The following RXRA variants were observed in gnomAD, a reference collection of about 807,000 sequenced individuals.
RXRA encodes the protein retinoid X receptor alpha, also known as retinoic acid receptor RXR-alpha.
Under a neutral mutation model 44.5 loss-of-function variants are expected in RXRA, and 5 were observed. That is an observed-to-expected ratio of 0.11 (90% confidence interval 0.06 to 0.24). RXRA has a LOEUF of 0.24. RXRA is among the 10% of genes least tolerant of loss of function. The pLI, the probability that RXRA is intolerant of heterozygous loss-of-function variation, is 1.00. For missense variants in RXRA, 412 were observed against 646.5 expected, an observed-to-expected ratio of 0.64 and a Z score of 3.93; for synonymous variants, 291 against 271.4, an observed-to-expected ratio of 1.07 and a Z score of -0.71.
chr9:134,338,306 G>A (rs1053581344), intron 1 of RXRA, among the ~76,000 whole-genome samples: 2 of 152,236 alleles, frequency 1.3e-5, no homozygotes, highest in African/African-American at 4.8e-5. Flanking sequence ...TGTGGCTGCC[G>A]TGGGACATGG....
intron 1 of RXRA, among the ~76,000 whole-genome samples, chr9:134,357,782 TG>T (rs543073149): frequency 2.0e-5 from 3 of 152,228 alleles, no homozygotes; most frequent in African/African-American, 7.2e-5. Context: ...GGAAATTACG[TG>T]TTCTTAGAAA....
intron 4 of RXRA, 60 bp downstream of exon 4, chr9:134,409,179 C>T: frequency 6.9e-7 from 1 of 1,450,698 alleles, no homozygotes; most frequent in Admixed American, 2.3e-5. Flanking sequence ...GGGGCCCGGG[C>T]TTGTGCGTGG....
intron 1 of RXRA, among the ~76,000 whole-genome samples, chr9:134,358,965 C>A (rs144734368): frequency 1.7e-3 from 265 of 152,282 alleles, no homozygotes; most frequent in African/African-American, 6.0e-3. Context: ...TTAAGCGTTG[C>A]GCCCACTCCT....
chr9:134,360,544 C>T (rs529727031), intron 1 of RXRA, among the ~76,000 whole-genome samples: 6 of 152,372 alleles, frequency 3.9e-5, no homozygotes, highest in African/African-American at 1.2e-4. Context: ...GCCGTGCCAG[C>T]GCCCCTTCCG....
In RXRA at chr9:134,366,687, C is replaced by A. The variant is rs1564271746; in HGVS notation, c.29-34945C>A. 6.6e-6 allele frequency among the ~76,000 whole-genome samples: 1 copy of A among 152,190 alleles called. No homozygotes were observed. Among genetic ancestry groups the A allele is most frequent in the Non-Finnish European group, 1.5e-5 (1 of 68,024 alleles). On this transcript the variant is annotated intron_variant, in intron 1 of 9. Coordinates refer to ENST00000481739, the MANE Select transcript of RXRA (RefSeq NM_002957.6). The surrounding 1 kb of genome is among the most constrained non-coding windows in gnomAD (Gnocchi z 5.9). ...AGAAATCAGCTCCCGCCAGCCTGATCTTCCTGCCTCAGAAGCTGAACCCCG... is the reference window on the plus strand; with the variant it reads ...AGAAATCAGCTCCCGCCAGCCTGATATTCCTGCCTCAGAAGCTGAACCCCG...
At chr9:134,395,661 C>A (rs2119130391) in intron 1 of RXRA, among the ~76,000 whole-genome samples, 1 of 152,364 alleles carries the variant, frequency 6.6e-6, no homozygotes, top group South Asian at 2.1e-4. Flanking sequence ...CTTCATAGGC[C>A]TGGCCGAGGT....
chr9:134,345,602 T>C (rs906057907), intron 1 of RXRA, among the ~76,000 whole-genome samples: 2 of 152,190 alleles, frequency 1.3e-5, no homozygotes, highest in Non-Finnish European at 2.9e-5. Context: ...CAGGAGCTGC[T>C]GGTAGCCCCG....
intron 1 of RXRA, among the ~76,000 whole-genome samples, chr9:134,354,708 G>A (rs1024576035): frequency 6.6e-6 from 1 of 152,218 alleles, no homozygotes. Context: ...ACTGGCCTTC[G>A]CTGTAAGACT....
At position 134,438,990 on chromosome 9, in the gene RXRA, C is replaced by T. The variant is rs1831681345; in HGVS notation, c.*2376C>T. ...TCCCGCAGCCTTCCCGTCCCTTTCT[C>T]ATCGGCCTTGTAGTTGTACAGTGCT... On this transcript the variant is annotated 3_prime_UTR_variant, in exon 10 of 10. Transcript: ENST00000481739. 6.6e-6 allele frequency: 1 copy of T among 152,320 alleles called. No homozygotes were observed. Among genetic ancestry groups the T allele is most frequent in the Non-Finnish European group, 1.5e-5 (1 of 68,108 alleles). The allele number at this position is 152,320 out of a possible 1,614,324, so 9.4% of individuals were successfully genotyped here.
intron 1 of RXRA, among the ~76,000 whole-genome samples, chr9:134,353,983 G>A (rs534039171): frequency 2.6e-5 from 4 of 152,190 alleles, no homozygotes; most frequent in African/African-American, 7.2e-5. Context: ...TGTTCACTGC[G>A]GATGGAGGGG....
intron 1 of RXRA, among the ~76,000 whole-genome samples, chr9:134,388,991 C>G (rs1331564709): frequency 6.6e-6 from 1 of 151,962 alleles, no homozygotes; most frequent in Non-Finnish European, 1.5e-5. Context: ...GGCTGAGACC[C>G]GGTGACCTGC....
rs1009044187 is a variant in RXRA at position 134,343,215 on chromosome 9, G to A, written c.28+16556G>A. Among the ~76,000 whole-genome samples the A allele has an allele frequency of 2.6e-5, 4 of 152,140 alleles. No individual in the cohort carries two copies. Among genetic ancestry groups the A allele is most frequent in the Admixed American group, 2.6e-4 (4 of 15,288 alleles). ...CAGCGTGTCTCTCTCTCTGAGTGTC[G>A]ACTTTCTCATCTGTGACGTGGGGTG... On this transcript the variant is annotated intron_variant, in intron 1 of 9. Transcript: ENST00000481739. The surrounding 1 kb of genome is among the most constrained non-coding windows in gnomAD (Gnocchi z 4.1).
At chr9:134,400,837 G>A (rs1588288243) in intron 1 of RXRA, among the ~76,000 whole-genome samples, 2 of 152,288 alleles carry the variant, frequency 1.3e-5, no homozygotes, top group South Asian at 4.1e-4. Context: ...ACCCAGCAGC[G>A]TCCAGCCCAC....
rs1564265044 is a variant in RXRA at position 134,349,574 on chromosome 9, T to C, written c.28+22915T>C. The stretch of plus-strand genomic sequence containing the variant: ...CAGGGACCCAGCAACTTGGCGAGCA[T>C]GGGCCAGACAGGGGCAGGGTTCTCA... On this transcript the variant is annotated intron_variant, in intron 1 of 9. Transcript: ENST00000481739. The surrounding 1 kb of genome is among the most constrained non-coding windows in gnomAD (Gnocchi z 4.3). Among the ~76,000 whole-genome samples, 1 of 152,012 alleles carries C rather than the reference T, an allele frequency of 6.6e-6. No individual in the cohort carries two copies. The highest frequency in any genetic ancestry group is 1.5e-5 in the Non-Finnish European group (1 of 67,998).
intron 6 of RXRA, among the ~76,000 whole-genome samples, chr9:134,428,892 G>A (rs960494101): frequency 6.6e-6 from 1 of 152,224 alleles, no homozygotes; most frequent in African/African-American, 2.4e-5. Flanking sequence ...GACTTTGTGT[G>A]GGACTTCTCA....
rs1554748332 is a variant in RXRA at position 134,343,554 on chromosome 9, A to G, written c.28+16895A>G. Among the ~76,000 whole-genome samples the G allele has an allele frequency of 2.0e-5, 3 of 152,144 alleles. No individual in the cohort carries two copies. Among genetic ancestry groups the G allele is most frequent in the Non-Finnish European group, 4.4e-5 (3 of 68,026 alleles). On this transcript the variant is annotated intron_variant, in intron 1 of 9. Transcript: ENST00000481739. This position sits in a 1 kb window ranked among gnomAD's most constrained non-coding sequence, Gnocchi z 4.1. ...TGCAGGGGCAGCTAGTTCTGGAACC[A>G]TCCTAGGACCTAGAAATTGCTCGGG...
chr9:134,429,187 G>A lies in RXRA; in HGVS notation c.990G>A (p.Leu330=), dbSNP rs753004746. 3 of 1,613,012 alleles carry A rather than the reference G, an allele frequency of 1.9e-6. No homozygotes were observed. The highest frequency in any genetic ancestry group is 2.5e-6 in the Non-Finnish European group (3 of 1,179,944). ...VKDGILLATG[L]HVHRNSAHSA... ...ACGGGATCCTCCTGGCCACCGGGCTGCACGTCCACCGGAACAGCGCCCACA... is the reference window on the plus strand; with the variant it reads ...ACGGGATCCTCCTGGCCACCGGGCTACACGTCCACCGGAACAGCGCCCACA... Residue 330 remains leucine (L), a synonymous_variant, in exon 7 of 10, where the codon CTG becomes CTA. Transcript: ENST00000481739.
At chr9:134,327,760 T>C (rs1201431215) in intron 1 of RXRA, among the ~76,000 whole-genome samples, 1 of 152,132 alleles carries the variant, frequency 6.6e-6, no homozygotes, top group African/African-American at 2.4e-5. Context: ...AGCATGGACC[T>C]AGCCCCTCCT....
chr9:134,399,842 G>T (rs1830932631), intron 1 of RXRA, among the ~76,000 whole-genome samples: 1 of 152,234 alleles, frequency 6.6e-6, no homozygotes, highest in Non-Finnish European at 1.5e-5. Context: ...CTGAATCTGA[G>T]CAGTGCTGGC....
Sources: allele counts gnomAD v4.1 joint callset (sites outside exome capture counted in the v4.1 genomes callset), GRCh38; gene constraint gnomAD v4.1.1; non-coding constraint Gnocchi (gnomAD v3.1); transcripts MANE v1.5; gene names NCBI Gene and HGNC (gene_info 2026-07-23, HGNC 2026-07-21).